The following TTC8 variants were observed in gnomAD, a reference collection of about 807,000 sequenced individuals.
TTC8 encodes the protein tetratricopeptide repeat domain 8.
A neutral mutation model predicts 72.5 loss-of-function variants in TTC8; 47 were observed. The ratio of observed to expected loss-of-function variants is 0.65; its 90% CI spans 0.51 to 0.83. TTC8 has a LOEUF of 0.83. Among genes scored for constraint, TTC8 ranks in the 40% least tolerant of loss-of-function variants. The pLI, the probability that TTC8 is intolerant of heterozygous loss-of-function variation, is 0.00. For missense variants in TTC8, 611 were observed against 623.2 expected (o/e 0.98, Z 0.21); for synonymous variants, 199 against 221.4 (o/e 0.90, Z 0.90).
intron 7 of TTC8, among the ~76,000 whole-genome samples, chr14:88,851,659 T>G (rs1026247400): frequency 2.6e-5 from 4 of 152,156 alleles, no homozygotes; most frequent in Non-Finnish European, 5.9e-5. Flanking sequence ...AGTTATACTT[T>G]TCTCCTCATT....
At position 88,841,165 on chromosome 14, in the gene TTC8, G is replaced by C; in HGVS notation, c.458G>C (p.Ser153Thr). Residue 153 changes from serine to threonine, a missense_variant, in exon 5 of 15, where the codon AGC (serine) becomes ACC (threonine). Ser to Thr is a moderately conservative substitution (Grantham distance 58, BLOSUM62 1). Coordinates refer to ENST00000380656, the MANE Select transcript of TTC8 (RefSeq NM_144596.4). ...RTAYTARPIT[S>T]SSGRFVRLGT... is the part of the protein sequence containing the mutation. ...GCCTACACAGCCCGCCCTATCACCA[G>C]CTCCTCCGGAAGATTTGTCAGGCTG... 6.2e-7 allele frequency: 1 copy of C among 1,614,010 alleles called. No individual in the cohort carries two copies. Among genetic ancestry groups the C allele is most frequent in the Middle Eastern group, 1.6e-4 (1 of 6,062 alleles).
intron 1 of TTC8, among the ~76,000 whole-genome samples, chr14:88,832,111 C>G (rs1638415710): frequency 1.3e-5 from 2 of 151,982 alleles, no homozygotes; most frequent in Non-Finnish European, 2.9e-5. Flanking sequence ...CTCTTCTGAC[C>G]TGCACATTGA....
downstream of TTC8, chr14:88,880,246 AG>A (rs1289948718): frequency 6.6e-6 from 1 of 152,200 alleles, no homozygotes; most frequent in Non-Finnish European, 1.5e-5. Flanking sequence ...CTCAGATTTG[AG>A]GGGGAAACAT....
chr14:88,834,094 G>T, intron 2 of TTC8: 1 of 286,834 alleles, frequency 3.5e-6, no homozygotes, highest in Non-Finnish European at 6.8e-6. Context: ...TGGATGGGAT[G>T]GCATGTCTTG....
rs1287900014 is a variant in TTC8 at position 88,871,046 on chromosome 14, C to T, written c.1050-503C>T. Among the ~76,000 whole-genome samples the T allele has an allele frequency of 6.6e-6, 1 of 152,224 alleles. No individual in the cohort carries two copies. Among genetic ancestry groups the T allele is most frequent in the African/African-American group, 2.4e-5 (1 of 41,460 alleles). On this transcript the variant is annotated intron_variant, in intron 11 of 14. Transcript: ENST00000380656. This position sits in a 1 kb window ranked among gnomAD's most constrained non-coding sequence, Gnocchi z 4.1. ...AGAGCTAAGTGGATAATGTAAGGATCCGCTGATGGTCTTGTCTTCCTCAGT... is the reference window on the plus strand; with the variant it reads ...AGAGCTAAGTGGATAATGTAAGGATTCGCTGATGGTCTTGTCTTCCTCAGT...
chr14:88,862,522 TTCTCTC>T (rs1262811355), intron 10 of TTC8, among the ~76,000 whole-genome samples: 5 of 88,802 alleles, frequency 5.6e-5, no homozygotes, highest in East Asian at 4.4e-4. Flanking sequence ...TTACATTCCA[TTCTCTC>T]TCTCTCTCTC....
intron 10 of TTC8, among the ~76,000 whole-genome samples, chr14:88,867,638 TA>T: frequency 6.6e-6 from 1 of 152,226 alleles, no homozygotes; most frequent in Non-Finnish European, 1.5e-5. Flanking sequence ...TATAAGTTTA[TA>T]AAACTTAATT....
chr14:88,864,565 G>A (rs1281952027), intron 10 of TTC8, among the ~76,000 whole-genome samples: 1 of 152,160 alleles, frequency 6.6e-6, no homozygotes, highest in Non-Finnish European at 1.5e-5. Context: ...GCTGTGATAC[G>A]GAGTAGCTCT....
chr14:88,880,333 T>C (rs561369690), downstream of TTC8: 4 of 152,316 alleles, frequency 2.6e-5, no homozygotes, highest in Admixed American at 2.6e-4. Context: ...TTTAGCTAAA[T>C]AAAAACAACA....
intron 7 of TTC8, chr14:88,846,778 C>A: frequency 1.7e-6 from 1 of 581,802 alleles, no homozygotes; most frequent in Non-Finnish European, 2.7e-6. Flanking sequence ...GTTCTTCATG[C>A]ATATGAACTT....
intron 1 of TTC8, among the ~76,000 whole-genome samples, chr14:88,827,629 A>C (rs1243925542): frequency 1.3e-5 from 2 of 152,196 alleles, no homozygotes; most frequent in Non-Finnish European, 2.9e-5. Flanking sequence ...CTTTGACCTA[A>C]CTTTGAACAC....
intron 1 of TTC8, among the ~76,000 whole-genome samples, chr14:88,828,103 C>T (rs1274867979): frequency 1.3e-5 from 2 of 152,172 alleles, no homozygotes; most frequent in Non-Finnish European, 2.9e-5. Context: ...TTCTCAGCAC[C>T]ATATGTTCTT....
chr14:88,824,548 GTTGT>G, upstream of TTC8: 1 of 608,062 alleles, frequency 1.6e-6, no homozygotes, highest in Non-Finnish European at 2.9e-6. Flanking sequence ...TCTGCTTGCG[GTTGT>G]TTTTCTTTTT....
rs745991884 is a variant in TTC8, at chr14:88,877,355, A to T, written c.1493A>T (p.His498Leu). 6.2e-7 allele frequency: 1 copy of T among 1,613,868 alleles called. No homozygotes were observed. Among genetic ancestry groups the T allele is most frequent in the East Asian group, 2.2e-5 (1 of 44,818 alleles). The change falls in exon 15 of 15, where the codon CAT becomes CTT. Residue 498 changes from histidine (H) to leucine (L), a missense_variant. By Grantham distance (99) the His-to-Leu change is moderately conservative (BLOSUM62 -3). Coordinates refer to ENST00000380656, the MANE Select transcript of TTC8 (RefSeq NM_144596.4). ...AQKSEAAFPD[H>L]VDTQHLIKQL... Reference sequence around the variant, plus strand: ...AAGTCTGAAGCAGCATTTCCAGACCATGTGGACACACAACATTTAATTAAA... The same window carrying T: ...AAGTCTGAAGCAGCATTTCCAGACCTTGTGGACACACAACATTTAATTAAA...
At chr14:88,838,483 C>T (rs150362791) in intron 2 of TTC8, among the ~76,000 whole-genome samples, 82 of 152,280 alleles carry the variant, frequency 5.4e-4, no homozygotes, top group Non-Finnish European at 1.0e-3. Context: ...TCCTAGTATA[C>T]TGAGCCTAAT....
At position 88,824,841 on chromosome 14, in the gene TTC8, A is replaced by G; in HGVS notation, c.114+20A>G. ...GACCAGGTACCGGCCAGCTCCCGTC[A>G]GCCTGTGCATCCTGACGCTGAGGCT... On this transcript the variant is annotated intron_variant, in intron 1 of 14. Transcript: ENST00000380656. The G allele has an allele frequency of 1.3e-6, 2 of 1,597,036 alleles. No individual in the cohort carries two copies. Among genetic ancestry groups the G allele is most frequent in the Non-Finnish European group, 1.7e-6 (2 of 1,166,980 alleles).
chr14:88,856,847 A>G (rs980096659), intron 8 of TTC8, among the ~76,000 whole-genome samples: 3 of 152,148 alleles, frequency 2.0e-5, no homozygotes, highest in Admixed American at 6.5e-5. Context: ...TGGAGACTCT[A>G]AGCATTTATT....
chr14:88,840,762 G>T, intron 3 of TTC8, 103 bp from the exon 4 acceptor site: 1 of 1,116,680 alleles, frequency 9.0e-7, no homozygotes, highest in Non-Finnish European at 1.3e-6. Context: ...TGCTATTAAT[G>T]TCTTTTTCAC....
Position 88,824,734 on chromosome 14 carries a change from C to T in TTC8, c.27C>T (p.Leu9=). Residue 9 remains leucine, a synonymous_variant, in exon 1 of 15, where the codon CTC becomes CTT. Coordinates refer to ENST00000380656, the MANE Select transcript of TTC8 (RefSeq NM_144596.4). MSSEMEPL[L]LAWSYFRRRK... is the part of the protein sequence containing the mutation. The stretch of plus-strand genomic sequence containing the variant: ...TGAGCTCGGAGATGGAGCCGCTGCT[C>T]CTGGCCTGGAGCTATTTTAGGCGCA... 3 of 1,611,288 alleles carry T rather than the reference C, an allele frequency of 1.9e-6. No homozygotes were observed. Among genetic ancestry groups the T allele is most frequent in the Non-Finnish European group, 2.5e-6 (3 of 1,179,022 alleles).
Sources: allele counts gnomAD v4.1 joint callset (sites outside exome capture counted in the v4.1 genomes callset), GRCh38; gene constraint gnomAD v4.1.1; non-coding constraint Gnocchi (gnomAD v3.1); transcripts MANE v1.5; gene names NCBI Gene and HGNC (gene_info 2026-07-23, HGNC 2026-07-21).